The following ACSBG2 variants were observed in gnomAD, a reference collection of about 807,000 sequenced individuals.
The protein encoded by ACSBG2 is long-chain-fatty-acid--CoA ligase ACSBG2.
ACSBG2 carries 62 observed loss-of-function variants against 74.7 expected under a neutral mutation model. The observed-to-expected ratio is 0.83, with a 90% CI of 0.68 to 1.03. The LOEUF (loss-of-function observed/expected upper bound fraction) is 1.03, where lower values mean the gene tolerates loss of function less well. Ranked by LOEUF, ACSBG2 falls within the 50% of genes least tolerant of loss-of-function variation. The pLI is 0.00. For synonymous variants in ACSBG2, 309 were observed against 294.1 expected (o/e 1.05, Z -0.52); for missense variants, 730 against 817.6 (o/e 0.89, Z 1.31).
At chr19:6,169,897 T>A (rs1185885159) in intron 7 of ACSBG2, among the ~76,000 whole-genome samples, 1 of 152,232 alleles carries the variant, frequency 6.6e-6, no homozygotes, top group Admixed American at 6.5e-5. Flanking sequence ...TATTGGTATA[T>A]AGAAATGCTA....
intron 1 of ACSBG2, among the ~76,000 whole-genome samples, chr19:6,139,648 C>T (rs1346216937): frequency 1.3e-5 from 2 of 152,204 alleles, no homozygotes; most frequent in African/African-American, 4.8e-5. Flanking sequence ...CAAAATCGTA[C>T]AATTTTCCTC....
rs138630113 is a variant in ACSBG2 at position 6,177,853 on chromosome 19, G to A, written c.906+457G>A. 3.6e-4 allele frequency among the ~76,000 whole-genome samples: 53 copies of A among 148,980 alleles called. No homozygotes were observed. The East Asian group carries it at 0.01, about 29-fold the overall frequency. ...ACACTGAACAACCCAAGACAAAGAT[G>A]TACTTGGTACTGAAAGTAAAGAGTG... On this transcript the variant is annotated intron_variant, in intron 8 of 14. Transcript: ENST00000588485.
At chr19:6,157,881 G>C (rs1454980029) in intron 5 of ACSBG2, among the ~76,000 whole-genome samples, 4 of 151,614 alleles carry the variant, frequency 2.6e-5, no homozygotes, top group African/African-American at 9.7e-5. Flanking sequence ...TGCTTTTGTT[G>C]TTCTCTTCTA....
At chr19:6,187,994 G>C in intron 13 of ACSBG2, 149 bp downstream of exon 13, 1 of 1,165,474 alleles carries the variant, frequency 8.6e-7, no homozygotes, top group Non-Finnish European at 1.2e-6. Flanking sequence ...CAGCTAACTG[G>C]TCCCCAGCTC....
intron 5 of ACSBG2, among the ~76,000 whole-genome samples, chr19:6,157,185 T>C (rs1034489406): frequency 3.3e-5 from 5 of 152,158 alleles, no homozygotes; most frequent in Non-Finnish European, 7.4e-5. Flanking sequence ...CCTGACCTCG[T>C]GATCCGCCCG....
chr19:6,183,567 T>G (rs1211833101), intron 10 of ACSBG2, among the ~76,000 whole-genome samples: 1 of 152,196 alleles, frequency 6.6e-6, no homozygotes, highest in African/African-American at 2.4e-5. Flanking sequence ...TTCATCCCCA[T>G]GATCCTCCAT....
intron 7 of ACSBG2, among the ~76,000 whole-genome samples, chr19:6,173,302 A>G (rs2090010415): frequency 6.6e-6 from 1 of 152,164 alleles, no homozygotes; most frequent in Admixed American, 6.5e-5. Flanking sequence ...GAGAATCCCC[A>G]GGCAGGGCAG....
intron 4 of ACSBG2, among the ~76,000 whole-genome samples, chr19:6,152,619 AC>A (rs1282239775): frequency 6.6e-6 from 1 of 151,700 alleles, no homozygotes; most frequent in Non-Finnish European, 1.5e-5. Context: ...CGTGAAAAAA[AC>A]AAAAGTAAAA....
At chr19:6,161,693 T>G in intron 6 of ACSBG2, 1 of 177,090 alleles carries the variant, frequency 5.6e-6, no homozygotes, top group Non-Finnish European at 1.2e-5. Context: ...CAAAGGGAAG[T>G]GGATGTGGCC....
chr19:6,185,337 C>G, intron 10 of ACSBG2, 99 bp from the exon 11 acceptor site: 1 of 1,195,800 alleles, frequency 8.4e-7, no homozygotes, highest in Non-Finnish European at 1.2e-6. Context: ...CCTGCTCTAG[C>G]TGAGCAGAGT....
chr19:6,174,939 C>A lies in ACSBG2; in HGVS notation c.739-2290C>A, dbSNP rs138362231. On this transcript the variant is annotated intron_variant, in intron 7 of 14. Coordinates refer to ENST00000588485, the MANE Select transcript of ACSBG2 (RefSeq NM_030924.5). This position sits in a 1 kb window ranked among gnomAD's most constrained non-coding sequence, Gnocchi z 4.2. Reference sequence around the variant, plus strand: ...AAGATAAACACATTTTAACTCCCCACTAAAACCCCACGAGGAAAATTTTGT... The same window carrying A: ...AAGATAAACACATTTTAACTCCCCAATAAAACCCCACGAGGAAAATTTTGT... Among the ~76,000 whole-genome samples the A allele has an allele frequency of 2.9e-3, 447 of 152,058 alleles. No individual in the cohort carries two copies. Among genetic ancestry groups the A allele is most frequent in the African/African-American group, 0.01 (424 of 41,456 alleles).
At chr19:6,144,640 T>C (rs2145013750) in intron 2 of ACSBG2, among the ~76,000 whole-genome samples, 1 of 152,294 alleles carries the variant, frequency 6.6e-6, no homozygotes, top group African/African-American at 2.4e-5. Context: ...ATTGCAGTCC[T>C]AGCTAATTAA....
At chr19:6,166,924 C>A (rs902670409) in intron 7 of ACSBG2, among the ~76,000 whole-genome samples, 1 of 152,122 alleles carries the variant, frequency 6.6e-6, no homozygotes, top group African/African-American at 2.4e-5. Context: ...CAGGCGTGAG[C>A]CACAGCACCT....
At chr19:6,157,850 G>T (rs1040276902) in intron 5 of ACSBG2, among the ~76,000 whole-genome samples, 7 of 152,000 alleles carry the variant, frequency 4.6e-5, no homozygotes, top group Non-Finnish European at 8.8e-5. Context: ...TTCATTTCTT[G>T]TCATTGTCTT....
intron 4 of ACSBG2, 63 bp downstream of exon 4, chr19:6,151,858 CT>C: frequency 2.0e-6 from 3 of 1,485,262 alleles, no homozygotes; most frequent in Non-Finnish European, 2.8e-6. Context: ...CCTGGGACCC[CT>C]GGGCTTGTCC....
chr19:6,154,606 G>A (rs948654958), intron 4 of ACSBG2, among the ~76,000 whole-genome samples: 2 of 151,314 alleles, frequency 1.3e-5, no homozygotes, highest in Non-Finnish European at 2.9e-5. Context: ...CTGCCTCCCG[G>A]GTTCAAGTGA....
chr19:6,170,535 T>C (rs2089937999), intron 7 of ACSBG2, among the ~76,000 whole-genome samples: 2 of 152,194 alleles, frequency 1.3e-5, no homozygotes, highest in African/African-American at 4.8e-5. Context: ...TTAGTTTCCA[T>C]GTATTTGTGT....
chr19:6,177,508 G>A lies in ACSBG2; in HGVS notation c.906+112G>A, dbSNP rs566056595. 212 of 1,129,248 alleles carry A rather than the reference G, an allele frequency of 1.9e-4. 1 individual carries two copies. The African/African-American group carries it at 2.9e-3, about 15-fold the overall frequency. The allele number at this position is 1,129,248 out of a possible 1,614,324, so 70.0% of individuals were successfully genotyped here. A position where few individuals can be genotyped will look rare whatever the true frequency, so the allele number is the denominator to read the frequency against. On this transcript the variant is annotated intron_variant, in intron 8 of 14. Transcript: ENST00000588485. Reference sequence around the variant, plus strand: ...TTTTGGGTGAAGCCCCATGTCTAACGGTTTTATCTCTGCCCTCATCTTAAT... The same window carrying A: ...TTTTGGGTGAAGCCCCATGTCTAACAGTTTTATCTCTGCCCTCATCTTAAT...
At chr19:6,143,835 CTTG>C (rs1007725083) in intron 2 of ACSBG2, among the ~76,000 whole-genome samples, 4 of 152,120 alleles carry the variant, frequency 2.6e-5, no homozygotes, top group African/African-American at 4.8e-5. Flanking sequence ...CTAGGCTTCC[CTTG>C]TTGTAAGTTG....
Sources: gnomAD v4.1 joint callset for allele counts (sites outside exome capture counted in the v4.1 genomes callset) on GRCh38, gnomAD v4.1.1 for gene constraint, Gnocchi (gnomAD v3.1) non-coding constraint, MANE v1.5 for transcripts, NCBI Gene and HGNC (gene_info 2026-07-23, HGNC 2026-07-21) for gene names.